PTPRD: variants seen among roughly 807,000 people sequenced by gnomAD.
PTPRD encodes protein tyrosine phosphatase receptor type D.
Under a neutral mutation model 214.5 loss-of-function variants are expected in PTPRD, and 34 were observed. The ratio of observed to expected loss-of-function variants is 0.16; its 90% CI spans 0.12 to 0.21. The LOEUF is 0.21. PTPRD is among the 10% of genes least tolerant of loss of function. The pLI is 1.00. For missense variants in PTPRD, 2,545 were observed against 2,398.7 expected (o/e 1.06, Z -1.27); for synonymous variants, 1,128 against 845.7 (o/e 1.33, Z -5.79).
chr9:9,618,051 G>A (rs10977880), intron 7 of PTPRD, among the ~76,000 whole-genome samples: 11,105 of 95,638 alleles, frequency 0.12, 511 homozygotes, highest in Middle Eastern at 0.32. Context: ...CAGCCTGGGC[G>A]ACAGAGCGAG....
chr9:8,921,769 C>T (rs776904104), intron 11 of PTPRD, among the ~76,000 whole-genome samples: 5 of 152,128 alleles, frequency 3.3e-5, no homozygotes, highest in Non-Finnish European at 7.3e-5. Context: ...GTTGGGATTA[C>T]AGGAGTGAGC....
chr9:8,517,447 G>T (rs775083235), intron 21 of PTPRD, among the ~76,000 whole-genome samples: 4 of 152,166 alleles, frequency 2.6e-5, no homozygotes, highest in Non-Finnish European at 4.4e-5. Context: ...CCCTGTAACA[G>T]TTTTATTTTT....
At chr9:8,403,473 T>C (rs2092658690) in intron 36 of PTPRD, among the ~76,000 whole-genome samples, 2 of 152,224 alleles carry the variant, frequency 1.3e-5, no homozygotes, top group South Asian at 2.1e-4. Flanking sequence ...AGTGGCCTCC[T>C]AAACTATTTT....
intron 7 of PTPRD, among the ~76,000 whole-genome samples, chr9:9,722,740 T>C (rs960071193): frequency 6.6e-6 from 1 of 152,056 alleles, no homozygotes; most frequent in African/African-American, 2.4e-5. Flanking sequence ...ATATCTGACT[T>C]TTTGATTCTA....
At chr9:9,828,134 C>T (rs908970123) in intron 5 of PTPRD, among the ~76,000 whole-genome samples, 2 of 152,088 alleles carry the variant, frequency 1.3e-5, no homozygotes, top group Non-Finnish European at 2.9e-5. Flanking sequence ...TAACATTTGA[C>T]CCAGCCATCC....
intron 5 of PTPRD, among the ~76,000 whole-genome samples, chr9:9,769,473 C>T (rs1014766416): frequency 7.3e-5 from 11 of 151,700 alleles, no homozygotes; most frequent in African/African-American, 2.7e-4. Context: ...CTACAGGTGC[C>T]CGCCACCACA....
chr9:10,504,171 G>T (rs547883023), intron 2 of PTPRD, among the ~76,000 whole-genome samples: 1 of 137,484 alleles, frequency 7.3e-6, no homozygotes, highest in Admixed American at 7.6e-5. Context: ...ATTGAATGGC[G>T]ATTCTTGAGT....
At chr9:8,462,674 C>T (rs1305529126) in intron 32 of PTPRD, among the ~76,000 whole-genome samples, 2 of 151,984 alleles carry the variant, frequency 1.3e-5, no homozygotes, top group South Asian at 4.1e-4. Context: ...TCCAGGCCCC[C>T]ACTTGAATAC....
At chr9:8,855,843 T>C (rs570373165) in intron 11 of PTPRD, among the ~76,000 whole-genome samples, 2 of 152,340 alleles carry the variant, frequency 1.3e-5, no homozygotes, top group Admixed American at 6.5e-5. Context: ...TTACAGCTTT[T>C]AGCAATTTTT....
chr9:9,065,899 T>A (rs1056624055), intron 10 of PTPRD, among the ~76,000 whole-genome samples: 4 of 152,158 alleles, frequency 2.6e-5, no homozygotes, highest in Non-Finnish European at 5.9e-5. Context: ...TAAATGGGTT[T>A]AAATACAGTG....
intron 8 of PTPRD, among the ~76,000 whole-genome samples, chr9:9,550,217 C>T (rs2079854245): frequency 1.3e-5 from 2 of 151,784 alleles, no homozygotes; most frequent in African/African-American, 4.8e-5. Flanking sequence ...GCCTAAGTTT[C>T]AGACTTTAGG....
intron 5 of PTPRD, among the ~76,000 whole-genome samples, chr9:9,929,043 C>T (rs932264064): frequency 6.6e-6 from 1 of 152,110 alleles, no homozygotes; most frequent in African/African-American, 2.4e-5. Context: ...GTCTGTATAA[C>T]TCATACATGG....
rs117971150 is a variant in PTPRD, at chr9:8,811,211, T to C, written c.-103-77265A>G. Among the ~76,000 whole-genome samples, 404 of 152,276 alleles carry C rather than the reference T, an allele frequency of 2.7e-3. 9 individuals carry two copies. The East Asian group carries it at 0.051, about 19-fold the overall frequency. On this transcript the variant is annotated intron_variant, in intron 11 of 45. Coordinates refer to ENST00000381196, the MANE Select transcript of PTPRD (RefSeq NM_002839.4). ...CTTGATCTCACTCATGGACTCCATC[T>C]CCTTTTCGGCTTGAGAGAACCCTTC...
intron 3 of PTPRD, among the ~76,000 whole-genome samples, chr9:10,289,231 T>C (rs1161232935): frequency 6.6e-6 from 1 of 152,166 alleles, no homozygotes; most frequent in Admixed American, 6.5e-5. Flanking sequence ...ATTCATATAC[T>C]ATGTATTATT....
At chr9:10,477,575 A>T (rs2099071254) in intron 2 of PTPRD, among the ~76,000 whole-genome samples, 1 of 152,158 alleles carries the variant, frequency 6.6e-6, no homozygotes, top group South Asian at 2.1e-4. Flanking sequence ...CAGTGTGGTG[A>T]TTCTTCAAGG....
At position 9,417,996 on chromosome 9, in the gene PTPRD, G is replaced by A. The variant is rs564753415; in HGVS notation, c.-236-20514C>T. On this transcript the variant is annotated intron_variant, in intron 8 of 45. Transcript: ENST00000381196. ...TTTTGGTTTCACCTGAAAAGTTTTC[G>A]CTACTCTCCACTCAAATTCTCTAAA... is the stretch of plus-strand genomic sequence containing the variant. Among the ~76,000 whole-genome samples the A allele has an allele frequency of 8.5e-4, 129 of 151,948 alleles. 1 individual carries two copies. Among genetic ancestry groups the A allele is most frequent in the African/African-American group, 2.5e-3 (105 of 41,488 alleles).
chr9:9,760,057 G>C (rs2098638046), intron 6 of PTPRD, among the ~76,000 whole-genome samples: 1 of 152,068 alleles, frequency 6.6e-6, no homozygotes, highest in Non-Finnish European at 1.5e-5. Context: ...AGACATTCAA[G>C]ATAATGGATT....
chr9:9,437,403 G>A (rs2085715606), intron 8 of PTPRD, among the ~76,000 whole-genome samples: 1 of 151,838 alleles, frequency 6.6e-6, no homozygotes, highest in East Asian at 1.9e-4. Flanking sequence ...CTAGATGGCT[G>A]TAATCACAAT....
chr9:8,626,917 T>C (rs1360911910), intron 14 of PTPRD, among the ~76,000 whole-genome samples: 2 of 151,562 alleles, frequency 1.3e-5, no homozygotes, highest in African/African-American at 4.8e-5. Flanking sequence ...TATATGTATA[T>C]ATTCTGTTGG....
Sources: gnomAD v4.1 joint callset for allele counts (sites outside exome capture counted in the v4.1 genomes callset) on GRCh38, gnomAD v4.1.1 for gene constraint, MANE v1.5 for transcripts, NCBI Gene and HGNC (gene_info 2026-07-23, HGNC 2026-07-21) for gene names.